The following METTL9 variants were observed in gnomAD, a reference collection of about 807,000 sequenced individuals.
METTL9 encodes methyltransferase 9, His-X-His N1(pi)-histidine, also known as protein-L-histidine N-pros-methyltransferase.
In METTL9, 10 loss-of-function variants were observed where a neutral mutation model predicts 36.0. The observed-to-expected ratio is 0.28, with a 90% CI of 0.17 to 0.47. The LOEUF (loss-of-function observed/expected upper bound fraction) is 0.47. Ranked by LOEUF, METTL9 falls within the 20% of genes least tolerant of loss-of-function variation. The probability of loss-of-function intolerance (pLI) is 0.99; values close to 1 mark genes in which losing one functional copy is unlikely to be tolerated. For synonymous variants in METTL9, 175 were observed against 149.7 expected (o/e 1.17, Z -1.23); for missense variants, 246 against 383.5 (o/e 0.64, Z 3.00).
At position 21,623,990 on chromosome 16, in the gene METTL9, C is replaced by T. The variant is rs923269363; in HGVS notation, c.567-941C>T. ...TTCACCATGTTGGCCTGGATGGTCTCAATCTCCTGACCTCATGATCCGCCT... is the reference window on the plus strand; with the variant it reads ...TTCACCATGTTGGCCTGGATGGTCTTAATCTCCTGACCTCATGATCCGCCT... On this transcript the variant is annotated intron_variant, in intron 3 of 4. Coordinates refer to ENST00000358154, the MANE Select transcript of METTL9 (RefSeq NM_016025.5). 7.2e-5 allele frequency among the ~76,000 whole-genome samples: 11 copies of T among 152,254 alleles called. No individual in the cohort carries two copies. The South Asian group carries it at 2.3e-3, about 32-fold the overall frequency.
intron 4 of METTL9, among the ~76,000 whole-genome samples, chr16:21,639,126 T>C (rs1265272542): frequency 2.6e-5 from 4 of 152,232 alleles, no homozygotes; most frequent in Non-Finnish European, 4.4e-5. Flanking sequence ...TTTGAAAATA[T>C]ATACTTTTGG....
intron 1 of METTL9, among the ~76,000 whole-genome samples, chr16:21,603,476 G>T (rs1272637329): frequency 6.6e-6 from 1 of 152,272 alleles, no homozygotes; most frequent in South Asian, 2.1e-4. Context: ...TGCAGGGTGG[G>T]TAGATTGACT....
At chr16:21,612,456 C>A (rs1389418599) in intron 1 of METTL9, among the ~76,000 whole-genome samples, 189 bp from the exon 2 acceptor site, 1 of 152,026 alleles carries the variant, frequency 6.6e-6, no homozygotes, top group African/African-American at 2.4e-5. Context: ...GAAGTCATGT[C>A]TGAAGAAGTA....
At chr16:21,617,196 A>T (rs1187167876) in intron 2 of METTL9, among the ~76,000 whole-genome samples, 1 of 151,610 alleles carries the variant, frequency 6.6e-6, no homozygotes, top group Non-Finnish European at 1.5e-5. Flanking sequence ...AGGCGGGTGG[A>T]TCACGAGGGC....
intron 4 of METTL9, among the ~76,000 whole-genome samples, chr16:21,626,071 T>G (rs372252361): frequency 6.6e-6 from 1 of 152,156 alleles, no homozygotes; most frequent in South Asian, 2.1e-4. Flanking sequence ...GCCTGGCTAA[T>G]TTTTGTATTT....
chr16:21,652,523 G>C (rs375567163), intron 4 of METTL9: 1 of 1,603,608 alleles, frequency 6.2e-7, no homozygotes, highest in Non-Finnish European at 8.5e-7. Flanking sequence ...AGAAGAAAAA[G>C]AACCTTACCG....
intron 4 of METTL9, among the ~76,000 whole-genome samples, chr16:21,648,947 C>T (rs1394592581): frequency 1.3e-5 from 2 of 152,074 alleles, no homozygotes; most frequent in African/African-American, 2.4e-5. Flanking sequence ...AGAATCATGG[C>T]GTTTGTGATG....
At chr16:21,609,678 G>T (rs1207567788) in intron 1 of METTL9, among the ~76,000 whole-genome samples, 1 of 152,088 alleles carries the variant, frequency 6.6e-6, no homozygotes, top group Non-Finnish European at 1.5e-5. Context: ...GAAGGAAGGG[G>T]TGGAGCTGTG....
chr16:21,605,257 C>CTTTTTTTGTTTTTTTTTTTT (rs1965247379), intron 1 of METTL9, among the ~76,000 whole-genome samples: 1 of 51,204 alleles, frequency 2.0e-5, no homozygotes, highest in Non-Finnish European at 3.9e-5. Context: ...GGCTTGCCTT[C>CTTTTTTTGTTTTTTTTTTTT]TTTTTTTTTT....
At chr16:21,604,745 T>C (rs752164111) in intron 1 of METTL9, among the ~76,000 whole-genome samples, 9 of 152,204 alleles carry the variant, frequency 5.9e-5, no homozygotes, top group Non-Finnish European at 1.0e-4. Context: ...CAAGCTCTGT[T>C]GATGGAGTTG....
At chr16:21,638,711 TAGGGA>T (rs1264351205) in intron 4 of METTL9, among the ~76,000 whole-genome samples, 1 of 152,128 alleles carries the variant, frequency 6.6e-6, no homozygotes, top group Non-Finnish European at 1.5e-5. Context: ...GTGGGTGAGT[TAGGGA>T]AGGTTTCATG....
chr16:21,643,740 GA>G, intron 4 of METTL9: 1 of 597,802 alleles, frequency 1.7e-6, no homozygotes, highest in Non-Finnish European at 2.9e-6. Context: ...TCATTTTTGA[GA>G]TGCTTTTACT....
chr16:21,618,796 C>T (rs914701798), intron 3 of METTL9, among the ~76,000 whole-genome samples: 2 of 152,042 alleles, frequency 1.3e-5, no homozygotes, highest in African/African-American at 2.4e-5. Context: ...TCACTACAAC[C>T]TCTACCTCTC....
chr16:21,617,072 G>A (rs969603224), intron 2 of METTL9, among the ~76,000 whole-genome samples: 1 of 152,120 alleles, frequency 6.6e-6, no homozygotes, highest in East Asian at 1.9e-4. Flanking sequence ...ATGGTATCTG[G>A]AGGCATTTTC....
chr16:21,618,057 T>A lies in METTL9; in HGVS notation c.549T>A (p.Leu183=). 6.4e-7 allele frequency: 1 copy of A among 1,570,052 alleles called. No homozygotes were observed. The highest frequency in any genetic ancestry group is 1.7e-4 in the Middle Eastern group (1 of 5,826). ...TTTCTGAAACTATGATATGGCAGCT[T>A]CAGAAAAAGAAATACAGGTATAATT... ...TELSETMIWQ[L]QKKKYRVLGI... is the part of the protein sequence containing the mutation. The change falls in exon 3 of 5, where the codon CTT becomes CTA. Residue 183 remains leucine, a synonymous_variant. Coordinates refer to ENST00000358154, the MANE Select transcript of METTL9 (RefSeq NM_016025.5).
chr16:21,629,225 A>G (rs1965885578), intron 4 of METTL9, among the ~76,000 whole-genome samples: 1 of 151,954 alleles, frequency 6.6e-6, no homozygotes. Flanking sequence ...TCCCAGATAT[A>G]TATTTTGAGG....
chr16:21,652,658 T>C, intron 4 of METTL9: 3 of 1,366,822 alleles, frequency 2.2e-6, no homozygotes, highest in Non-Finnish European at 3.1e-6. Flanking sequence ...GCTTTCTTTT[T>C]TCAGAAGGGA....
intron 4 of METTL9, among the ~76,000 whole-genome samples, chr16:21,628,193 G>T (rs1202857380): frequency 7.9e-5 from 12 of 152,188 alleles, no homozygotes; most frequent in Admixed American, 7.2e-4. Flanking sequence ...CATGTAAGCT[G>T]TAGATGCTGG....
intron 4 of METTL9, chr16:21,647,137 T>TA: frequency 6.2e-7 from 1 of 1,614,202 alleles, no homozygotes; most frequent in Non-Finnish European, 8.5e-7. Flanking sequence ...ACTGACCTCT[T>TA]ACCACCAGTG....
Sources: gnomAD v4.1 joint callset for allele counts (sites outside exome capture counted in the v4.1 genomes callset) on GRCh38, gnomAD v4.1.1 for gene constraint, MANE v1.5 for transcripts, NCBI Gene and HGNC (gene_info 2026-07-23, HGNC 2026-07-21) for gene names.